The following NOCT variants were observed in gnomAD, a reference collection of about 807,000 sequenced individuals.
The protein encoded by NOCT is CCR4 carbon catabolite repression 4-like.
In NOCT, 18 loss-of-function variants were observed where a neutral mutation model predicts 35.0. The observed-to-expected ratio is 0.51, with a 90% CI of 0.36 to 0.76. The LOEUF (loss-of-function observed/expected upper bound fraction) is 0.76. Among genes scored for constraint, NOCT ranks in the 30% least tolerant of loss-of-function variants. NOCT has a pLI of 0.01. For missense variants in NOCT, 479 were observed against 541.0 expected, an observed-to-expected ratio of 0.89 and a Z score of 1.14; for synonymous variants, 235 against 226.3, an observed-to-expected ratio of 1.04 and a Z score of -0.34.
intron 1 of NOCT, among the ~76,000 whole-genome samples, chr4:139,029,287 C>T (rs1310436859): frequency 6.6e-6 from 1 of 152,200 alleles, no homozygotes; most frequent in Non-Finnish European, 1.5e-5. Context: ...AAATAGATTA[C>T]ACTTACCTAT....
At chr4:139,027,956 T>C (rs532378112) in intron 1 of NOCT, among the ~76,000 whole-genome samples, 2 of 152,256 alleles carry the variant, frequency 1.3e-5, no homozygotes, top group East Asian at 3.9e-4. Context: ...AGTTAGCTCA[T>C]GGGTCACAGT....
Position 139,015,800 on chromosome 4 carries a change from G to GT in NOCT, c.-181dup. 2 of 403,310 alleles carry GT rather than the reference G, an allele frequency of 5.0e-6. No individual in the cohort carries two copies. Among genetic ancestry groups the GT allele is most frequent in the Non-Finnish European group, 8.2e-6 (2 of 243,038 alleles). 25.0% of individuals were successfully genotyped at this position (403,310 alleles called of 1,614,324 possible). On this transcript the variant is annotated 5_prime_UTR_variant, in exon 1 of 3. Transcript: ENST00000280614. Reference sequence around the variant, plus strand: ...CACAGCAGACGGTGCCGACGCAGCGGTGTTGCACCTCCCTCTCCGGCTCTG... The same window carrying GT: ...CACAGCAGACGGTGCCGACGCAGCGGTTGTTGCACCTCCCTCTCCGGCTCTG...
rs546346607 is a variant in NOCT, at chr4:139,045,509, A to ATTTTTTTTTTTTTTTTTTT, written c.*42_*60dup. The ATTTTTTTTTTTTTTTTTTT allele has an allele frequency of 3.5e-6, 1 of 289,550 alleles. No homozygotes were observed. The highest frequency in any genetic ancestry group is 5.6e-6 in the Non-Finnish European group (1 of 178,134). The allele number at this position is 289,550 out of a possible 1,614,324, so 17.9% of individuals were successfully genotyped here. A position where few individuals can be genotyped will look rare whatever the true frequency, so the allele number is the denominator to read the frequency against. ...TTTGTCTTTTTAATCACAGGAGTCTATTTTTTTTTTTTTTTTTTTTTTTTT... is the reference window on the plus strand; with the variant it reads ...TTTGTCTTTTTAATCACAGGAGTCTATTTTTTTTTTTTTTTTTTTTTTTTTTTTTTTTTTTTTTTTTTTT... On this transcript the variant is annotated 3_prime_UTR_variant, in exon 3 of 3. Coordinates refer to ENST00000280614, the MANE Select transcript of NOCT (RefSeq NM_012118.4).
chr4:139,022,146 T>A (rs1726427200), intron 1 of NOCT, among the ~76,000 whole-genome samples: 1 of 152,220 alleles, frequency 6.6e-6, no homozygotes, highest in Non-Finnish European at 1.5e-5. Context: ...ACAGTGTGCC[T>A]GGGCGTTTAG....
At chr4:139,040,728 A>G (rs1210092025) in intron 1 of NOCT, among the ~76,000 whole-genome samples, 1 of 152,170 alleles carries the variant, frequency 6.6e-6, no homozygotes, top group Non-Finnish European at 1.5e-5. Flanking sequence ...TGTTTATTTC[A>G]CATTTAAAAT....
intron 1 of NOCT, among the ~76,000 whole-genome samples, chr4:139,032,856 T>C (rs550340436): frequency 9.9e-5 from 15 of 152,276 alleles, no homozygotes; most frequent in Middle Eastern, 3.4e-3. Flanking sequence ...AACATGTATT[T>C]ATGTATGAAA....
At chr4:139,023,485 C>G (rs781449091) in intron 1 of NOCT, among the ~76,000 whole-genome samples, 1 of 151,960 alleles carries the variant, frequency 6.6e-6, no homozygotes, top group Non-Finnish European at 1.5e-5. Flanking sequence ...AGACTTAGTT[C>G]TAGAATTAGT....
intron 1 of NOCT, among the ~76,000 whole-genome samples, chr4:139,021,102 T>C (rs1258607953): frequency 2.0e-5 from 3 of 149,856 alleles, no homozygotes; most frequent in East Asian, 2.0e-4. Context: ...ATCTTTGAGC[T>C]TGGGGCCTAA....
chr4:139,031,717 T>C (rs1726627909), intron 1 of NOCT, among the ~76,000 whole-genome samples: 3 of 151,884 alleles, frequency 2.0e-5, no homozygotes. Context: ...GTGGGTTTTG[T>C]TTTGTTTTGT....
chr4:139,039,503 G>A (rs147359123), intron 1 of NOCT, among the ~76,000 whole-genome samples: 62 of 148,562 alleles, frequency 4.2e-4, no homozygotes, highest in Admixed American at 5.4e-4. Flanking sequence ...GTTCCCTTTC[G>A]TTGGTCTTCA....
In NOCT at chr4:139,015,951, G is replaced by C. The variant is rs1044395574; in HGVS notation, c.-31G>C. The C allele has an allele frequency of 7.6e-6, 10 of 1,314,072 alleles. No homozygotes were observed. The Admixed American group carries it at 1.6e-4, about 21-fold the overall frequency. 81.4% of individuals were successfully genotyped at this position (1,314,072 alleles called of 1,614,324 possible). A position where few individuals can be genotyped will look rare whatever the true frequency, so the allele number is the denominator to read the frequency against. On this transcript the variant is annotated 5_prime_UTR_variant, in exon 1 of 3. Transcript: ENST00000280614. ...CAGCCGGGCTCCGCTCCTCGGGCGCGCGAGGGGCCGTGGTGGCGGCGGCGC... is the reference window on the plus strand; with the variant it reads ...CAGCCGGGCTCCGCTCCTCGGGCGCCCGAGGGGCCGTGGTGGCGGCGGCGC...
chr4:139,024,200 A>G (rs1578625765), intron 1 of NOCT, among the ~76,000 whole-genome samples: 3 of 152,010 alleles, frequency 2.0e-5, no homozygotes, highest in Middle Eastern at 3.4e-3. Flanking sequence ...AGCTGGGACT[A>G]TAGGTGTGCT....
chr4:139,021,962 T>C (rs1202978196), intron 1 of NOCT, among the ~76,000 whole-genome samples: 1 of 152,122 alleles, frequency 6.6e-6, no homozygotes, highest in Non-Finnish European at 1.5e-5. Context: ...TTTCACCATG[T>C]TGGTCAGGCT....
intron 1 of NOCT, among the ~76,000 whole-genome samples, chr4:139,018,124 T>C (rs1430293372): frequency 7.3e-6 from 1 of 136,698 alleles, no homozygotes; most frequent in Non-Finnish European, 1.5e-5. Flanking sequence ...ATGTGGTACA[T>C]TGTGAAATAA....
rs59445691 is a variant in NOCT, at chr4:139,039,170, C to CAAA, written c.191-3889_191-3887dup. Reference sequence around the variant, plus strand: ...GGGCAACACAGTGAAGACTCCATTTCAAAAAAAAAAAAAAAAAGCCATTCT... The same window carrying CAAA: ...GGGCAACACAGTGAAGACTCCATTTCAAAAAAAAAAAAAAAAAAAAGCCATTCT... On this transcript the variant is annotated intron_variant, in intron 1 of 2. Coordinates refer to ENST00000280614, the MANE Select transcript of NOCT (RefSeq NM_012118.4). Among the ~76,000 whole-genome samples, 102 of 91,364 alleles carry CAAA rather than the reference C, an allele frequency of 1.1e-3. 9 individuals are homozygous for CAAA. In the Admixed American group the frequency reaches 0.012, roughly 11 times the overall value. The allele number at this position is 91,364 out of a possible 152,430, so 59.9% of individuals were successfully genotyped here. A position where few individuals can be genotyped will look rare whatever the true frequency, so the allele number is the denominator to read the frequency against.
At chr4:139,038,998 CGTGA>C (rs1032374445) in intron 1 of NOCT, among the ~76,000 whole-genome samples, 3 of 151,892 alleles carry the variant, frequency 2.0e-5, no homozygotes, top group South Asian at 4.2e-4. Context: ...TTAATGTATT[CGTGA>C]GTGTGTGTGT....
chr4:139,015,930 C>T lies in NOCT; in HGVS notation c.-52C>T. The T allele has an allele frequency of 3.1e-6, 4 of 1,282,332 alleles. No homozygotes were observed. The highest frequency in any genetic ancestry group is 4.0e-6 in the Non-Finnish European group (4 of 1,012,158). The allele number at this position is 1,282,332 out of a possible 1,614,324, so 79.4% of individuals were successfully genotyped here. On this transcript the variant is annotated 5_prime_UTR_variant, in exon 1 of 3. Coordinates refer to ENST00000280614, the MANE Select transcript of NOCT (RefSeq NM_012118.4). ...TCGACTCGGTGCCCTCGGCCCCAGC[C>T]GGGCTCCGCTCCTCGGGCGCGCGAG...
chr4:139,031,288 A>T (rs1204827418), intron 1 of NOCT, among the ~76,000 whole-genome samples: 1 of 151,706 alleles, frequency 6.6e-6, no homozygotes, highest in Non-Finnish European at 1.5e-5. Flanking sequence ...TAGCTGGGAC[A>T]ACAGGCACCC....
At chr4:139,032,709 A>G (rs1404838689) in intron 1 of NOCT, among the ~76,000 whole-genome samples, 2 of 152,122 alleles carry the variant, frequency 1.3e-5, no homozygotes, top group African/African-American at 4.8e-5. Context: ...TGGGTAAATT[A>G]TTTGTGCTGT....
Sources: allele counts gnomAD v4.1 joint callset (sites outside exome capture counted in the v4.1 genomes callset), GRCh38; gene constraint gnomAD v4.1.1; transcripts MANE v1.5; gene names NCBI Gene and HGNC (gene_info 2026-07-23, HGNC 2026-07-21).